The following ELMO1 variants were observed in gnomAD, a reference collection of about 807,000 sequenced individuals.
The protein encoded by ELMO1 is engulfment and cell motility protein 1.
A neutral mutation model predicts 98.9 loss-of-function variants in ELMO1; 26 were observed. The ratio of observed to expected loss-of-function variants is 0.26; its 90% confidence interval spans 0.19 to 0.36. The LOEUF (loss-of-function observed/expected upper bound fraction) is 0.36, where lower values mean the gene tolerates loss of function less well. Among genes scored for constraint, ELMO1 ranks in the 10% least tolerant of loss-of-function variants. The pLI is 1.00. For missense variants in ELMO1, 627 were observed against 935.2 expected (o/e 0.67, Z 4.30); for synonymous variants, 346 against 346.0 (o/e 1.00, Z 0.00).
intron 15 of ELMO1, among the ~76,000 whole-genome samples, chr7:37,069,536 A>G (rs1469470372): frequency 6.6e-6 from 1 of 152,198 alleles, no homozygotes; most frequent in Non-Finnish European, 1.5e-5. Context: ...AAATTCTCAA[A>G]TTGTGCCTCA....
In ELMO1 at chr7:37,013,409, G is replaced by A. The variant is rs758117955; in HGVS notation, c.1327C>T (p.Pro443Ser). ...LPSETCNDFH[P>S]MFFTHDRSFE... is the part of the protein sequence containing the mutation. Reference sequence around the variant, plus strand: ...GATCTGTCGTGGGTGAAGAACATCGGGTGGAAGTCGTTGCAGGTCTCACTA... The same window carrying A: ...GATCTGTCGTGGGTGAAGAACATCGAGTGGAAGTCGTTGCAGGTCTCACTA... The change falls in exon 16 of 22, where the codon CCG becomes TCG. Residue 443 changes from proline (P) to serine (S), a missense_variant. By Grantham distance (74) the Pro-to-Ser change is moderately conservative. Coordinates refer to ENST00000310758, the MANE Select transcript of ELMO1 (RefSeq NM_014800.11). The A allele has an allele frequency of 1.2e-6, 2 of 1,614,044 alleles. No homozygotes were observed. Among genetic ancestry groups the A allele is most frequent in the Admixed American group, 3.3e-5 (2 of 60,018 alleles).
At chr7:37,444,268 C>T (rs769104636) in intron 1 of ELMO1, among the ~76,000 whole-genome samples, 36 of 152,244 alleles carry the variant, frequency 2.4e-4, no homozygotes, top group Non-Finnish European at 3.7e-4. Context: ...GTGGGGAACA[C>T]TAGATGTAAA....
At chr7:37,161,670 T>A (rs1164895295) in intron 13 of ELMO1, among the ~76,000 whole-genome samples, 3 of 151,688 alleles carry the variant, frequency 2.0e-5, no homozygotes, top group Non-Finnish European at 4.4e-5. Flanking sequence ...ATGAGCTACA[T>A]AAGAAAATAC....
At chr7:37,155,486 G>GAAAA (rs1563040535) in intron 13 of ELMO1, among the ~76,000 whole-genome samples, 1 of 2,428 alleles carries the variant, frequency 4.1e-4, no homozygotes, top group African/African-American at 1.1e-3. Flanking sequence ...CAAACGGAAA[G>GAAAA]CAAAAAAAAA....
At chr7:37,438,103 G>A (rs1447895553) in intron 1 of ELMO1, among the ~76,000 whole-genome samples, 1 of 152,032 alleles carries the variant, frequency 6.6e-6, no homozygotes, top group Non-Finnish European at 1.5e-5. Context: ...ATCTGGGTTT[G>A]ACCAACATCT....
chr7:37,235,344 A>G (rs1482330333), intron 7 of ELMO1, among the ~76,000 whole-genome samples: 1 of 152,248 alleles, frequency 6.6e-6, no homozygotes, highest in Non-Finnish European at 1.5e-5. Flanking sequence ...AGGCATTAGT[A>G]TTACTGTGAA....
intron 15 of ELMO1, among the ~76,000 whole-genome samples, chr7:37,025,882 T>C (rs1794539315): frequency 1.4e-5 from 2 of 139,676 alleles, no homozygotes; most frequent in Admixed American, 7.5e-5. Flanking sequence ...TCTCCAAATA[T>C]ATATATTATA....
intron 13 of ELMO1, among the ~76,000 whole-genome samples, chr7:37,165,223 AAGG>A (rs1789575476): frequency 6.6e-6 from 1 of 152,218 alleles, no homozygotes; most frequent in African/African-American, 2.4e-5. Context: ...TTATCAGCTT[AAGG>A]AGATTTTGGG....
intron 13 of ELMO1, among the ~76,000 whole-genome samples, chr7:37,147,377 C>A (rs986863527): frequency 6.6e-6 from 1 of 152,130 alleles, no homozygotes; most frequent in Non-Finnish European, 1.5e-5. Flanking sequence ...TCCATTCACC[C>A]ACCTGCTACC....
At chr7:37,318,109 G>A (rs1214088187) in intron 2 of ELMO1, among the ~76,000 whole-genome samples, 1 of 152,204 alleles carries the variant, frequency 6.6e-6, no homozygotes, top group East Asian at 1.9e-4. Context: ...TTCTACTGTA[G>A]TTACATGTTA....
At chr7:37,075,178 G>A (rs961287125) in intron 15 of ELMO1, among the ~76,000 whole-genome samples, 14 of 147,102 alleles carry the variant, frequency 9.5e-5, no homozygotes, top group African/African-American at 3.0e-4. Flanking sequence ...ATGGAGTCTC[G>A]CTCTGTTGCC....
At chr7:37,078,581 G>A (rs1797705635) in intron 15 of ELMO1, among the ~76,000 whole-genome samples, 1 of 152,158 alleles carries the variant, frequency 6.6e-6, no homozygotes, top group Non-Finnish European at 1.5e-5. Context: ...AAATGCTTCA[G>A]CCTTTCTAGG....
intron 16 of ELMO1, among the ~76,000 whole-genome samples, chr7:36,995,167 C>T (rs1792116116): frequency 6.6e-6 from 1 of 152,012 alleles, no homozygotes; most frequent in African/African-American, 2.4e-5. Context: ...CAGAAGAAAC[C>T]ATTTTTCTTT....
chr7:37,246,824 A>C (rs992192236), intron 6 of ELMO1, among the ~76,000 whole-genome samples: 2 of 152,012 alleles, frequency 1.3e-5, no homozygotes, highest in South Asian at 2.1e-4. Context: ...ATCTATCTAT[A>C]TATATATCTG....
chr7:37,209,002 C>A (rs1584811527), intron 13 of ELMO1, among the ~76,000 whole-genome samples: 1 of 150,418 alleles, frequency 6.6e-6, no homozygotes, highest in Non-Finnish European at 1.5e-5. Flanking sequence ...CTCCAATTAA[C>A]TTTCAGTTAA....
At chr7:37,345,423 C>T (rs1029129678) in intron 1 of ELMO1, among the ~76,000 whole-genome samples, 2 of 152,022 alleles carry the variant, frequency 1.3e-5, no homozygotes, top group African/African-American at 2.4e-5. Flanking sequence ...TGAGTAAAGA[C>T]ATCTGAGGCC....
intron 15 of ELMO1, among the ~76,000 whole-genome samples, chr7:37,029,720 T>C (rs1180662761): frequency 6.6e-6 from 1 of 152,204 alleles, no homozygotes; most frequent in Non-Finnish European, 1.5e-5. Flanking sequence ...TACTTTTTCA[T>C]TCTCCACAGC....
chr7:36,919,080 C>T (rs1191720101), intron 16 of ELMO1, among the ~76,000 whole-genome samples: 1 of 152,134 alleles, frequency 6.6e-6, no homozygotes, highest in African/African-American at 2.4e-5. Flanking sequence ...AGGAATTTAG[C>T]ATCCATAATA....
intron 13 of ELMO1, among the ~76,000 whole-genome samples, chr7:37,208,126 A>G (rs1042363099): frequency 2.0e-5 from 3 of 152,218 alleles, no homozygotes; most frequent in Non-Finnish European, 4.4e-5. Flanking sequence ...GATGATTTCT[A>G]TGATGTGTTC....
Sources: gnomAD v4.1 joint callset for allele counts (sites outside exome capture counted in the v4.1 genomes callset) on GRCh38, gnomAD v4.1.1 for gene constraint, MANE v1.5 for transcripts, NCBI Gene and HGNC (gene_info 2026-07-23, HGNC 2026-07-21) for gene names.